The following ZNF280C variants were observed in gnomAD, a reference collection of about 807,000 sequenced individuals.
The protein encoded by ZNF280C is suppressor of hairy wing homolog 3.
Under a neutral mutation model 53.6 loss-of-function variants are expected in ZNF280C, and 14 were observed. That is an observed-to-expected ratio of 0.26 (90% confidence interval 0.17 to 0.41). The LOEUF (loss-of-function observed/expected upper bound fraction) is 0.41, where lower values mean the gene tolerates loss of function less well. ZNF280C is among the 10% of genes least tolerant of loss of function. The pLI is 1.00. For missense variants in ZNF280C, 416 were observed against 547.1 expected, an observed-to-expected ratio of 0.76 and a Z score of 2.39; for synonymous variants, 203 against 181.1, an observed-to-expected ratio of 1.12 and a Z score of -0.97.
intron 5 of ZNF280C, 37 bp from the exon 6 acceptor site, chrX:130,239,730 TTA>T: frequency 1.2e-6 from 1 of 847,631 alleles, no homozygotes; most frequent in Middle Eastern, 3.8e-4. Context: ...TCATAAACTT[TTA>T]TAGAGATAAA....
At chrX:130,253,495 G>A (rs2032535386) in intron 2 of ZNF280C, among the ~76,000 whole-genome samples, 1 of 112,111 alleles carries the variant, frequency 8.9e-6, no homozygotes, top group Non-Finnish European at 1.9e-5. Context: ...AAGGCATCAT[G>A]CTACCTGCCT....
chrX:130,234,867 A>G (rs1294076968), intron 8 of ZNF280C, among the ~76,000 whole-genome samples: 2 of 112,101 alleles, frequency 1.8e-5, no homozygotes, highest in African/African-American at 6.5e-5. Context: ...ATAGAAAGCT[A>G]GAATTCATTT....
At chrX:130,247,833 G>A (rs12007520) in intron 2 of ZNF280C, among the ~76,000 whole-genome samples, 1,963 of 109,902 alleles carry the variant, frequency 0.018, 47 homozygotes, top group African/African-American at 0.062. Flanking sequence ...GCAGGCATGA[G>A]GTACTAGACT....
Position 130,215,199 on chromosome X carries a change from A to T in ZNF280C, c.1973T>A (p.Met658Lys). ...GTTTACATGTTTAACTTACCTCATC[A>T]TATGATTTACAAAGGCTTTGTTACA... ...TNCNKAFVNHMMSSHSNHPGK... is the reference protein window; with the variant it reads ...TNCNKAFVNHKMSSHSNHPGK... Residue 658 changes from methionine to lysine, a missense_variant, in exon 15 of 19, where the codon ATG (methionine) becomes AAG (lysine). By Grantham distance (95) the Met-to-Lys change is moderately conservative (BLOSUM62 -1). Coordinates refer to ENST00000370978, the MANE Select transcript of ZNF280C (RefSeq NM_017666.5). 1 of 1,207,384 alleles carries T rather than the reference A, an allele frequency of 8.3e-7. No individual in the cohort carries two copies. The highest frequency in any genetic ancestry group is 1.8e-5 in the South Asian group (1 of 56,032).
rs2032721063 is a variant in ZNF280C at position 130,268,892 on chromosome X, G to A, written c.-147C>T. ...AGCGACTCCCCCGGAGACTTCCAGC[G>A]CGGAACCGGCGTCTCAGCCGGGGGC... is the stretch of plus-strand genomic sequence containing the variant. On this transcript the variant is annotated 5_prime_UTR_variant, in exon 1 of 19. Coordinates refer to ENST00000370978, the MANE Select transcript of ZNF280C (RefSeq NM_017666.5). 1 of 112,671 alleles carries A rather than the reference G, an allele frequency of 8.9e-6. No individual in the cohort carries two copies. Among genetic ancestry groups the A allele is most frequent in the Non-Finnish European group, 1.9e-5 (1 of 53,280 alleles). The allele number at this position is 112,671 out of a possible 1,213,427, so 9.3% of individuals were successfully genotyped here. A position where few individuals can be genotyped will look rare whatever the true frequency, so the allele number is the denominator to read the frequency against.
In ZNF280C at chrX:130,210,777, A is replaced by C. The variant is rs975794228; in HGVS notation, c.1980-1062T>G. 2.7e-5 allele frequency among the ~76,000 whole-genome samples: 3 copies of C among 112,518 alleles called. No homozygotes were observed. The Admixed American group carries it at 2.8e-4, about 11-fold the overall frequency. ...CTTTTATGCCTCCCTTTAAAATGAT[A>C]AGGAAAGCCTTCCTGTGTTAGACAA... On this transcript the variant is annotated intron_variant, in intron 15 of 18. Coordinates refer to ENST00000370978, the MANE Select transcript of ZNF280C (RefSeq NM_017666.5).
At chrX:130,216,133 A>G (rs1321907291) in intron 13 of ZNF280C, 32 bp from the exon 14 acceptor site, 1 of 1,089,267 alleles carries the variant, frequency 9.2e-7, no homozygotes, top group Admixed American at 2.7e-5. Flanking sequence ...ATATTTTTAG[A>G]AAAGTAACCA....
intron 16 of ZNF280C, among the ~76,000 whole-genome samples, chrX:130,208,514 A>G (rs1382732340): frequency 2.7e-5 from 3 of 111,670 alleles, no homozygotes; most frequent in Non-Finnish European, 5.6e-5. Context: ...TTCAAATCAT[A>G]CAGTTAATTT....
intron 9 of ZNF280C, among the ~76,000 whole-genome samples, 188 bp downstream of exon 9, chrX:130,230,322 T>C (rs900943956): frequency 9.0e-6 from 1 of 111,487 alleles, no homozygotes; most frequent in African/African-American, 3.3e-5. Flanking sequence ...AACAACTAGG[T>C]GGATCCTGGA....
In ZNF280C at chrX:130,205,428, A is replaced by G. The variant is rs1192204623; in HGVS notation, c.2043-13T>C. On this transcript the variant is annotated splice_polypyrimidine_tract_variant and intron_variant, in intron 16 of 18. Coordinates refer to ENST00000370978, the MANE Select transcript of ZNF280C (RefSeq NM_017666.5). ...TAGAGTAATGCCCCTATGAAAAAAA[A>G]GAAGACAGTAAGAAATATTCTTATC... 2.8e-6 allele frequency: 3 copies of G among 1,061,646 alleles called. No homozygotes were observed. Among genetic ancestry groups the G allele is most frequent in the Non-Finnish European group, 3.9e-6 (3 of 772,383 alleles). 87.5% of individuals were successfully genotyped at this position (1,061,646 alleles called of 1,213,427 possible).
intron 8 of ZNF280C, among the ~76,000 whole-genome samples, chrX:130,234,087 GT>G (rs2032307173): frequency 9.0e-6 from 1 of 111,434 alleles, no homozygotes; most frequent in Admixed American, 9.5e-5. Context: ...ATATACATGG[GT>G]TTAACTCAAC....
At chrX:130,220,982 G>C (rs1372087536) in intron 12 of ZNF280C, among the ~76,000 whole-genome samples, 1 of 110,643 alleles carries the variant, frequency 9.0e-6, no homozygotes, top group Non-Finnish European at 1.9e-5. Context: ...AAATACAAAA[G>C]AAAGCTTTCT....
chrX:130,216,124 T>A (rs765032715), intron 13 of ZNF280C, 23 bp from the exon 14 acceptor site: 3 of 1,139,581 alleles, frequency 2.6e-6, no homozygotes, highest in Middle Eastern at 2.4e-4. Context: ...AGCCAATACA[T>A]ATTTTTAGAA....
intron 6 of ZNF280C, among the ~76,000 whole-genome samples, chrX:130,238,861 G>A (rs1311896375): frequency 9.0e-6 from 1 of 111,306 alleles, no homozygotes; most frequent in Admixed American, 9.6e-5. Context: ...CAAAAAAATT[G>A]TGTTCCTCTT....
chrX:130,243,611 T>C lies in ZNF280C; in HGVS notation c.333A>G (p.Val111=), dbSNP rs1372233140. The C allele has an allele frequency of 2.5e-6, 3 of 1,210,721 alleles. No individual in the cohort carries two copies. Residue 111 remains valine, a synonymous_variant, in exon 5 of 19, where the codon GTA becomes GTG. Transcript: ENST00000370978. ...TAACAGAGCTTTGTGAAGATTTAGA[T>C]ACAAGATGAAATCTAGGCGAGGCAG... ...PVAASPRFHL[V]SKSSQSSVTV... is the part of the protein sequence containing the mutation.
chrX:130,221,157 A>G (rs972424360), intron 12 of ZNF280C, among the ~76,000 whole-genome samples: 3 of 111,510 alleles, frequency 2.7e-5, no homozygotes, highest in Non-Finnish European at 5.7e-5. Flanking sequence ...ATATATAAAG[A>G]TAAGGTGTTT....
intron 2 of ZNF280C, among the ~76,000 whole-genome samples, chrX:130,247,583 A>G (rs1194288987): frequency 3.6e-5 from 4 of 112,063 alleles, no homozygotes; most frequent in Non-Finnish European, 5.6e-5. Context: ...ACTTGGCTAG[A>G]CAGATAGATA....
At chrX:130,248,124 C>T (rs187295761) in intron 2 of ZNF280C, among the ~76,000 whole-genome samples, 5 of 97,159 alleles carry the variant, frequency 5.1e-5, no homozygotes, top group Non-Finnish European at 1.0e-4. Flanking sequence ...GGATGGCAAA[C>T]TAGATACAGA....
intron 5 of ZNF280C, among the ~76,000 whole-genome samples, chrX:130,241,283 T>TATC (rs2032387607): frequency 8.9e-6 from 1 of 112,512 alleles, no homozygotes; most frequent in Non-Finnish European, 1.9e-5. Flanking sequence ...CATTCGAGAA[T>TATC]ATCTGTCTGT....
Sources: allele counts gnomAD v4.1 joint callset (sites outside exome capture counted in the v4.1 genomes callset), GRCh38; gene constraint gnomAD v4.1.1; transcripts MANE v1.5; gene names NCBI Gene and HGNC (gene_info 2026-07-23, HGNC 2026-07-21).